The following TRERF1 variants were observed in gnomAD, a reference collection of about 807,000 sequenced individuals.
The protein encoded by TRERF1 is transcriptional-regulating factor 1.
TRERF1 carries 27 observed loss-of-function variants against 122.9 expected under a neutral mutation model. The observed-to-expected ratio is 0.22, with a 90% CI of 0.16 to 0.30. The LOEUF is 0.30. Ranked by LOEUF, TRERF1 falls within the 10% of genes least tolerant of loss-of-function variation. The pLI, the probability that TRERF1 is intolerant of heterozygous loss-of-function variation, is 1.00. For synonymous variants in TRERF1, 636 were observed against 641.7 expected (o/e 0.99, Z 0.13); for missense variants, 1,248 against 1,560.3 (o/e 0.80, Z 3.37).
At chr6:42,347,624 C>T (rs1768552754) in intron 3 of TRERF1, among the ~76,000 whole-genome samples, 1 of 152,160 alleles carries the variant, frequency 6.6e-6, no homozygotes, top group Admixed American at 6.5e-5. Flanking sequence ...GAGGCAAATA[C>T]CAACTGATCA....
At chr6:42,247,319 C>A (rs1774980082) in intron 13 of TRERF1, among the ~76,000 whole-genome samples, 1 of 152,198 alleles carries the variant, frequency 6.6e-6, no homozygotes, top group African/African-American at 2.4e-5. Flanking sequence ...GTGTATATTA[C>A]AAGCAAGATG....
chr6:42,225,198 T>G (rs1769347314), downstream of TRERF1: 1 of 144,898 alleles, frequency 6.9e-6, no homozygotes, highest in African/African-American at 2.6e-5. Context: ...TGCCCCAGTT[T>G]CCTTTTTTTT....
At chr6:42,316,834 C>G (rs1762586233) in intron 3 of TRERF1, among the ~76,000 whole-genome samples, 1 of 152,166 alleles carries the variant, frequency 6.6e-6, no homozygotes, top group Admixed American at 6.5e-5. Context: ...TCCACCGCCC[C>G]CAGCTTGCCT....
At chr6:42,366,425 A>G (rs1023166650) in intron 2 of TRERF1, among the ~76,000 whole-genome samples, 8 of 152,194 alleles carry the variant, frequency 5.3e-5, no homozygotes, top group African/African-American at 2.4e-5. Flanking sequence ...GCTGGGAGGC[A>G]TACCTATTCT....
intron 3 of TRERF1, among the ~76,000 whole-genome samples, chr6:42,350,139 C>T (rs182927745): frequency 1.3e-5 from 2 of 152,222 alleles, no homozygotes; most frequent in African/African-American, 4.8e-5. Flanking sequence ...ACCCACCCGA[C>T]GCAGGTCAGT....
Position 42,263,674 on chromosome 6 carries a change from G to C in TRERF1, c.1636-106C>G. ...TCCAGGACATCAGGTATGGGTGATAGAGAACCGCTGCAGGGCGATTTCCTT... is the reference window on the plus strand; with the variant it reads ...TCCAGGACATCAGGTATGGGTGATACAGAACCGCTGCAGGGCGATTTCCTT... On this transcript the variant is annotated intron_variant, in intron 7 of 17. Coordinates refer to ENST00000372922, the Ensembl canonical transcript of TRERF1. The surrounding 1 kb of genome is among the most constrained non-coding windows in gnomAD (Gnocchi z 5.6). 1 of 1,332,020 alleles carries C rather than the reference G, an allele frequency of 7.5e-7. No homozygotes were observed. The highest frequency in any genetic ancestry group is 2.6e-5 in the South Asian group (1 of 38,748). The allele number at this position is 1,332,020 out of a possible 1,614,324, so 82.5% of individuals were successfully genotyped here.
chr6:42,317,162 C>T (rs1449965357), intron 3 of TRERF1, among the ~76,000 whole-genome samples: 2 of 152,034 alleles, frequency 1.3e-5, no homozygotes, highest in African/African-American at 2.4e-5. Context: ...ACACCCTAGC[C>T]TCTGAGTTCT....
intron 9 of TRERF1, among the ~76,000 whole-genome samples, chr6:42,258,698 C>T (rs1208129148): frequency 6.6e-6 from 1 of 152,126 alleles, no homozygotes; most frequent in Non-Finnish European, 1.5e-5. Context: ...CCTCAGTCTC[C>T]TGAGTAGCTG....
intron 2 of TRERF1, among the ~76,000 whole-genome samples, chr6:42,374,004 G>C (rs1337362317): frequency 6.8e-6 from 1 of 147,650 alleles, no homozygotes; most frequent in Non-Finnish European, 1.5e-5. Context: ...GTGGTGGCAC[G>C]TGCTTGTAAT....
intron 2 of TRERF1, among the ~76,000 whole-genome samples, chr6:42,441,263 A>G (rs1786464162): frequency 6.6e-6 from 1 of 152,196 alleles, no homozygotes; most frequent in Admixed American, 6.5e-5. Flanking sequence ...TTCTGCACGC[A>G]GCATTTACTT....
chr6:42,268,802 C>T lies in TRERF1; in HGVS notation c.789G>A (p.Gln263=). 6.2e-7 allele frequency: 1 copy of T among 1,614,194 alleles called. No homozygotes were observed. Among genetic ancestry groups the T allele is most frequent in the Non-Finnish European group, 8.5e-7 (1 of 1,180,046 alleles). Residue 263 remains glutamine, a synonymous_variant, in exon 5 of 18, where the codon CAG becomes CAA. Coordinates refer to ENST00000372922, the Ensembl canonical transcript of TRERF1. This position sits in a 1 kb window ranked among gnomAD's most constrained non-coding sequence, Gnocchi z 4.4. ...GTGGGTAATACTGGTGCTGCTGCATCTGTTGCATGTGCTGTGACAGCATCT... is the reference window on the plus strand; with the variant it reads ...GTGGGTAATACTGGTGCTGCTGCATTTGTTGCATGTGCTGTGACAGCATCT...
chr6:42,240,959 C>T (rs1773557147), intron 15 of TRERF1, among the ~76,000 whole-genome samples: 1 of 152,040 alleles, frequency 6.6e-6, no homozygotes, highest in Non-Finnish European at 1.5e-5. Flanking sequence ...GTGGCGCAAT[C>T]TCTGCTCACT....
intron 4 of TRERF1, among the ~76,000 whole-genome samples, chr6:42,298,933 C>T (rs1244570468): frequency 6.6e-6 from 1 of 151,880 alleles, no homozygotes; most frequent in African/African-American, 2.4e-5. Context: ...GAGAGAGATT[C>T]CGTCTCAAAA....
chr6:42,335,034 A>G (rs1020203434), intron 3 of TRERF1, among the ~76,000 whole-genome samples: 2 of 152,242 alleles, frequency 1.3e-5, no homozygotes, highest in Non-Finnish European at 2.9e-5. Context: ...CTGGATCATT[A>G]TCAGGCTACG....
At chr6:42,407,266 T>C (rs1359954360) in intron 2 of TRERF1, among the ~76,000 whole-genome samples, 2 of 152,166 alleles carry the variant, frequency 1.3e-5, no homozygotes, top group African/African-American at 4.8e-5. Flanking sequence ...AGATCTGAAA[T>C]GGAAAGGGCA....
rs371327232 is a variant in TRERF1 at position 42,242,055 on chromosome 6, G to A, written c.2859+1193C>T. Among the ~76,000 whole-genome samples, 6 of 152,286 alleles carry A rather than the reference G, an allele frequency of 3.9e-5. No homozygotes were observed. The South Asian group carries it at 6.2e-4, about 16-fold the overall frequency. On this transcript the variant is annotated intron_variant, in intron 15 of 17. Coordinates refer to ENST00000372922, the Ensembl canonical transcript of TRERF1. ...GGCTGTAGTGAGCTATGATCATGCC[G>A]CTGCATTCTAGCCTGAGCGACAAAG...
chr6:42,376,536 C>CTTTT (rs781389630), intron 2 of TRERF1, among the ~76,000 whole-genome samples: 67 of 96,310 alleles, frequency 7.0e-4, no homozygotes, highest in Non-Finnish European at 8.0e-4. Context: ...TCGTCTAATT[C>CTTTT]TTTTTTTTTT....
At chr6:42,250,995 T>G (rs1266486123) in intron 13 of TRERF1, among the ~76,000 whole-genome samples, 5 of 139,400 alleles carry the variant, frequency 3.6e-5, no homozygotes, top group Non-Finnish European at 3.1e-5. Context: ...TTTGCTTCTT[T>G]TTTTTTTTTT....
chr6:42,369,953 A>C (rs1252740328), intron 2 of TRERF1, among the ~76,000 whole-genome samples: 1 of 151,656 alleles, frequency 6.6e-6, no homozygotes. Context: ...CTCTAAACCT[A>C]CCCTTCACCT....
Sources: allele counts gnomAD v4.1 joint callset (sites outside exome capture counted in the v4.1 genomes callset), GRCh38; gene constraint gnomAD v4.1.1; non-coding constraint Gnocchi (gnomAD v3.1); transcripts MANE v1.5; gene names NCBI Gene and HGNC (gene_info 2026-07-23, HGNC 2026-07-21).